CDC42BPA: variants seen among roughly 807,000 people sequenced by gnomAD.
CDC42BPA encodes serine/threonine-protein kinase MRCK alpha.
A neutral mutation model predicts 223.5 loss-of-function variants in CDC42BPA; 80 were observed. The ratio of observed to expected loss-of-function variants is 0.36; its 90% confidence interval spans 0.30 to 0.43. The LOEUF (loss-of-function observed/expected upper bound fraction) is 0.43. CDC42BPA is among the 20% of genes least tolerant of loss of function. The pLI is 1.00. For missense variants in CDC42BPA, 1,743 were observed against 2,099.9 expected, an observed-to-expected ratio of 0.83 and a Z score of 3.32; for synonymous variants, 694 against 718.6, an observed-to-expected ratio of 0.97 and a Z score of 0.55.
At chr1:227,248,838 C>A (rs976497276) in intron 2 of CDC42BPA, among the ~76,000 whole-genome samples, 14 of 152,080 alleles carry the variant, frequency 9.2e-5, no homozygotes, top group African/African-American at 3.4e-4. Flanking sequence ...AGAATCAATA[C>A]TGTTAAAATA....
intron 5 of CDC42BPA, among the ~76,000 whole-genome samples, chr1:227,165,232 C>A (rs1178490141): frequency 1.3e-5 from 2 of 152,062 alleles, no homozygotes; most frequent in African/African-American, 4.8e-5. Flanking sequence ...TAGAAACTCA[C>A]AAGTGAATGT....
intron 1 of CDC42BPA, among the ~76,000 whole-genome samples, chr1:227,282,904 AGATG>A (rs1252444528): frequency 6.6e-6 from 1 of 152,236 alleles, no homozygotes; most frequent in Non-Finnish European, 1.5e-5. Flanking sequence ...AAATGTTCTG[AGATG>A]GATGATCAGG....
chr1:226,997,033 T>A (rs1252657307), intron 35 of CDC42BPA, among the ~76,000 whole-genome samples: 1 of 152,242 alleles, frequency 6.6e-6, no homozygotes, highest in Non-Finnish European at 1.5e-5. Context: ...GAAGGAATGG[T>A]ATCAGCTCCT....
At chr1:227,289,606 A>G (rs1022736120) in intron 1 of CDC42BPA, among the ~76,000 whole-genome samples, 1 of 152,076 alleles carries the variant, frequency 6.6e-6, no homozygotes, top group African/African-American at 2.4e-5. Context: ...GAGAGCAGAA[A>G]CCCTGCCTGT....
At chr1:227,135,712 G>A (rs1224337071) in intron 10 of CDC42BPA, among the ~76,000 whole-genome samples, 1 of 151,900 alleles carries the variant, frequency 6.6e-6, no homozygotes, top group East Asian at 1.9e-4. Flanking sequence ...AAATTAGCCA[G>A]GCATGGTGGC....
intron 5 of CDC42BPA, among the ~76,000 whole-genome samples, chr1:227,186,084 G>A (rs1177555901): frequency 6.6e-6 from 1 of 152,214 alleles, no homozygotes; most frequent in Non-Finnish European, 1.5e-5. Flanking sequence ...ACCTTGCAGA[G>A]AACCAGTGCC....
intron 13 of CDC42BPA, 22 bp downstream of exon 13, chr1:227,112,649 C>G (rs894937073): frequency 6.2e-7 from 1 of 1,610,314 alleles, no homozygotes; most frequent in Admixed American, 1.7e-5. Flanking sequence ...ATGGGCACTA[C>G]AAAATTTGCC....
chr1:227,046,563 C>T (rs990799128), intron 23 of CDC42BPA, among the ~76,000 whole-genome samples: 13 of 152,234 alleles, frequency 8.5e-5, no homozygotes, highest in Admixed American at 5.9e-4. Context: ...ACAAAATTAA[C>T]GTATTGCTGA....
intron 11 of CDC42BPA, among the ~76,000 whole-genome samples, chr1:227,124,171 C>T (rs112060572): frequency 1.3e-5 from 2 of 152,068 alleles, no homozygotes; most frequent in African/African-American, 4.8e-5. Context: ...CTACCCCTAA[C>T]CTTTAGAAGC....
At position 227,259,979 on chromosome 1, in the gene CDC42BPA, T is replaced by A. The variant is rs949816949; in HGVS notation, c.179-5824A>T. ...GTGATAATAATAATCTTAGCAGGCA[T>A]TATTTTATTGGGAGCCATCTAAGCC... On this transcript the variant is annotated intron_variant, in intron 1 of 36. Coordinates refer to ENST00000366766, the MANE Select transcript of CDC42BPA (RefSeq NM_001394014.1). Among the ~76,000 whole-genome samples, 8 of 150,340 alleles carry A rather than the reference T, an allele frequency of 5.3e-5. 1 individual carries two copies. Among genetic ancestry groups the A allele is most frequent in the African/African-American group, 2.0e-4 (8 of 39,902 alleles).
intron 2 of CDC42BPA, among the ~76,000 whole-genome samples, chr1:227,215,002 G>A (rs1478615055): frequency 6.6e-6 from 1 of 152,062 alleles, no homozygotes; most frequent in Admixed American, 6.6e-5. Context: ...AGTGACATCA[G>A]GCTATTAATA....
intron 2 of CDC42BPA, among the ~76,000 whole-genome samples, chr1:227,236,481 A>G (rs971901708): frequency 1.3e-5 from 2 of 152,198 alleles, no homozygotes; most frequent in African/African-American, 4.8e-5. Flanking sequence ...TACAAGTTCC[A>G]TCTATCAAGT....
intron 10 of CDC42BPA, among the ~76,000 whole-genome samples, chr1:227,132,681 G>A (rs1016196820): frequency 1.6e-4 from 25 of 151,670 alleles, no homozygotes; most frequent in Admixed American, 3.9e-4. Flanking sequence ...CATCTAGGAA[G>A]TGAGGAGCGC....
Position 227,112,707 on chromosome 1 carries a change from C to T in CDC42BPA, c.1854G>A (p.Arg618=). 6.2e-7 allele frequency: 1 copy of T among 1,614,066 alleles called. No individual in the cohort carries two copies. Among genetic ancestry groups the T allele is most frequent in the Non-Finnish European group, 8.5e-7 (1 of 1,179,994 alleles). The change falls in exon 13 of 37, where the codon AGG becomes AGA. Residue 618 remains arginine (R), a synonymous_variant. Coordinates refer to ENST00000366766, the MANE Select transcript of CDC42BPA (RefSeq NM_001394014.1). The stretch of plus-strand genomic sequence containing the variant: ...CTCTTTCTGTTCTGCGCAGTTCTTG[C>T]CTTAAGCTTTCAACTTTTTGCATCA... ...DLVMQKVESL[R]QELRRTERAK...
intron 32 of CDC42BPA, among the ~76,000 whole-genome samples, chr1:227,021,783 G>T (rs917415399): frequency 1.3e-5 from 2 of 152,066 alleles, no homozygotes; most frequent in South Asian, 4.1e-4. Flanking sequence ...ACTTTGAGAG[G>T]CCAAGGTGGG....
In CDC42BPA at chr1:227,034,717, G is replaced by A. The variant is rs756956710; in HGVS notation, c.3414C>T (p.Tyr1138=). 8 of 1,613,358 alleles carry A rather than the reference G, an allele frequency of 5.0e-6. No individual in the cohort carries two copies. The highest frequency in any genetic ancestry group is 1.7e-5 in the Admixed American group (1 of 59,974). The change falls in exon 26 of 37, where the codon TAC becomes TAT. Residue 1138 remains tyrosine, a synonymous_variant. Coordinates refer to ENST00000366766, the MANE Select transcript of CDC42BPA (RefSeq NM_001394014.1). ...GAGATGCTTTTCCTTCAGCAATATC[G>A]TACAGAAAGAGTTTGAAGTCACACA... ...AIVCDFKLFL[Y]DIAEGKASQP...
At chr1:227,300,777 A>T (rs1691495702) in intron 1 of CDC42BPA, among the ~76,000 whole-genome samples, 1 of 152,206 alleles carries the variant, frequency 6.6e-6, no homozygotes, top group African/African-American at 2.4e-5. Flanking sequence ...CCACTATACA[A>T]TTCATCCATG....
chr1:227,019,901 CTTT>C (rs111365206), intron 32 of CDC42BPA, among the ~76,000 whole-genome samples: 1 of 145,738 alleles, frequency 6.9e-6, no homozygotes. Context: ...TACCATAATT[CTTT>C]TTTTTTTTTG....
intron 5 of CDC42BPA, among the ~76,000 whole-genome samples, chr1:227,163,732 A>T (rs200291564): frequency 3.2e-5 from 1 of 31,266 alleles, no homozygotes; most frequent in Admixed American, 4.0e-4. Flanking sequence ...TCTTATTTGT[A>T]AAAAAAAAAA....
Sources: gnomAD v4.1 joint callset for allele counts (sites outside exome capture counted in the v4.1 genomes callset) on GRCh38, gnomAD v4.1.1 for gene constraint, MANE v1.5 for transcripts, NCBI Gene and HGNC (gene_info 2026-07-23, HGNC 2026-07-21) for gene names.